The following RPS6KC1 variants were observed in gnomAD, a reference collection of about 807,000 sequenced individuals.
The protein encoded by RPS6KC1 is inactive ribosomal protein S6 kinase delta-1.
A neutral mutation model predicts 103.8 loss-of-function variants in RPS6KC1; 54 were observed. The ratio of observed to expected loss-of-function variants is 0.52; its 90% CI spans 0.42 to 0.65. RPS6KC1 has a LOEUF of 0.65. RPS6KC1 is among the 30% of genes least tolerant of loss of function. RPS6KC1 has a pLI of 0.00. For synonymous variants in RPS6KC1, 439 were observed against 438.7 expected, an observed-to-expected ratio of 1.00 and a Z score of -0.01; for missense variants, 1,151 against 1,253.8, an observed-to-expected ratio of 0.92 and a Z score of 1.24.
At chr1:213,701,390 C>T in the RPS6KC1 span, among the ~76,000 whole-genome samples, 2 of 151,930 alleles carry the variant, frequency 1.3e-5, no homozygotes, top group Non-Finnish European at 2.9e-5. Context: ...TCCTTGCATC[C>T]CACGAATAAA....
intron 3 of RPS6KC1, among the ~76,000 whole-genome samples, chr1:213,090,538 A>G (rs556518278): frequency 2.0e-5 from 3 of 152,380 alleles, no homozygotes; most frequent in East Asian, 1.9e-4. Context: ...GTATGGAGCA[A>G]TAGATATACA....
the RPS6KC1 span, among the ~76,000 whole-genome samples, chr1:213,485,234 G>A: frequency 6.6e-6 from 1 of 152,142 alleles, no homozygotes; most frequent in African/African-American, 2.4e-5. Flanking sequence ...GGGAACTCTG[G>A]AAAATGGCTC....
At chr1:213,535,430 C>T in the RPS6KC1 span, among the ~76,000 whole-genome samples, 21 of 152,184 alleles carry the variant, frequency 1.4e-4, 1 homozygote, top group African/African-American at 5.1e-4. Context: ...TGCAGGGTCC[C>T]CCACCTCATC....
chr1:213,756,617 C>T, the RPS6KC1 span, among the ~76,000 whole-genome samples: 1,040 of 152,058 alleles, frequency 6.8e-3, 16 homozygotes, highest in African/African-American at 0.024. Context: ...TTCAAATGCC[C>T]CCTCTTCCAC....
chr1:213,795,564 T>C, the RPS6KC1 span, among the ~76,000 whole-genome samples: 1 of 152,138 alleles, frequency 6.6e-6, no homozygotes, highest in South Asian at 2.1e-4. Flanking sequence ...TCCTGGAAAA[T>C]AGGTAATTCA....
At chr1:213,081,509 C>G (rs1174895667) in intron 3 of RPS6KC1, among the ~76,000 whole-genome samples, 1 of 152,108 alleles carries the variant, frequency 6.6e-6, no homozygotes, top group African/African-American at 2.4e-5. Context: ...CAACATGAGA[C>G]TTGATGGGGT....
At chr1:213,269,507 A>G (rs1053155005) in intron 14 of RPS6KC1, among the ~76,000 whole-genome samples, 1 of 151,836 alleles carries the variant, frequency 6.6e-6, no homozygotes, top group Non-Finnish European at 1.5e-5. Context: ...AATCTCCAAG[A>G]TAGATCACAT....
the RPS6KC1 span, among the ~76,000 whole-genome samples, chr1:213,855,013 A>C: frequency 2.0e-5 from 3 of 152,152 alleles, no homozygotes; most frequent in Non-Finnish European, 4.4e-5. Flanking sequence ...GCCGGCTTTC[A>C]CACCATGTCC....
At chr1:213,853,439 T>C in the RPS6KC1 span, among the ~76,000 whole-genome samples, 1 of 152,244 alleles carries the variant, frequency 6.6e-6, no homozygotes, top group African/African-American at 2.4e-5. Flanking sequence ...CTCAAAGTGC[T>C]GCTATCCAGA....
intron 6 of RPS6KC1, among the ~76,000 whole-genome samples, chr1:213,146,047 A>G (rs928224019): frequency 1.6e-5 from 2 of 125,332 alleles, no homozygotes; most frequent in African/African-American, 6.3e-5. Context: ...CCCTTCCCAG[A>G]CTCTGGTAAC....
the RPS6KC1 span, among the ~76,000 whole-genome samples, chr1:213,731,853 T>A: frequency 6.6e-6 from 1 of 152,148 alleles, no homozygotes; most frequent in Non-Finnish European, 1.5e-5. Flanking sequence ...ATTATGATAG[T>A]CAACAGTAGA....
intron 6 of RPS6KC1, among the ~76,000 whole-genome samples, chr1:213,164,567 TAAA>T (rs2090781886): frequency 6.6e-6 from 1 of 152,226 alleles, no homozygotes; most frequent in Non-Finnish European, 1.5e-5. Flanking sequence ...TTTTTTTCTT[TAAA>T]GACAGAGTCT....
chr1:213,558,388 A>G, the RPS6KC1 span, among the ~76,000 whole-genome samples: 1 of 152,178 alleles, frequency 6.6e-6, no homozygotes, highest in South Asian at 2.1e-4. Context: ...GGAAGGGAGT[A>G]AGGAGCCGAT....
chr1:213,150,196 G>C (rs1333128143), intron 6 of RPS6KC1, among the ~76,000 whole-genome samples: 2 of 151,926 alleles, frequency 1.3e-5, no homozygotes, highest in East Asian at 3.8e-4. Context: ...TTTTCTGGTG[G>C]TTTAGTGGTC....
At chr1:213,817,637 T>C in the RPS6KC1 span, 8 of 152,328 alleles carry the variant, frequency 5.3e-5, no homozygotes, top group East Asian at 1.5e-3. Flanking sequence ...GAATGTAGCA[T>C]AGAGGATAGG....
chr1:213,119,362 G>A (rs994596339), intron 5 of RPS6KC1, among the ~76,000 whole-genome samples: 7 of 147,622 alleles, frequency 4.7e-5, no homozygotes. Context: ...CATGAGAATT[G>A]CCTGAACCAT....
chr1:213,590,909 T>C, the RPS6KC1 span, among the ~76,000 whole-genome samples: 1 of 152,178 alleles, frequency 6.6e-6, no homozygotes, highest in African/African-American at 2.4e-5. Flanking sequence ...TCCAAAGAGC[T>C]TCTCTTCCTG....
chr1:213,065,375 A>G (rs2078239001), intron 1 of RPS6KC1, among the ~76,000 whole-genome samples: 1 of 152,230 alleles, frequency 6.6e-6, no homozygotes, highest in South Asian at 2.1e-4. Flanking sequence ...ATTTATCCAG[A>G]GAAAAATTAC....
At chr1:213,255,337 G>A (rs1573632022) in intron 12 of RPS6KC1, among the ~76,000 whole-genome samples, 1 of 151,166 alleles carries the variant, frequency 6.6e-6, no homozygotes, top group African/African-American at 2.4e-5. Flanking sequence ...AAAAAAAAAG[G>A]AAAAGAAAAC....
Sources: allele counts gnomAD v4.1 joint callset (sites outside exome capture counted in the v4.1 genomes callset), GRCh38; gene constraint gnomAD v4.1.1; transcripts MANE v1.5; gene names NCBI Gene and HGNC (gene_info 2026-07-23, HGNC 2026-07-21).